PCDHGB1: variants seen among roughly 807,000 people sequenced by gnomAD.
PCDHGB1 encodes the protein protocadherin gamma subfamily B, 1, also known as protocadherin gamma-B1.
In PCDHGB1, 34 loss-of-function variants were observed where a neutral mutation model predicts 56.6. The ratio of observed to expected loss-of-function variants is 0.60; its 90% CI spans 0.46 to 0.80. The LOEUF is 0.80. PCDHGB1 is among the 30% of genes least tolerant of loss of function. The pLI is 0.00. For missense variants in PCDHGB1, 1,278 were observed against 1,204.6 expected (o/e 1.06, Z -0.90); for synonymous variants, 561 against 505.9 (o/e 1.11, Z -1.46).
At chr5:141,497,904 A>G (rs939422338) in intron 2 of PCDHGB1, among the ~76,000 whole-genome samples, 2 of 152,136 alleles carry the variant, frequency 1.3e-5, no homozygotes, top group African/African-American at 2.4e-5. Context: ...AGTAACTTCA[A>G]CTTCTCTCCT....
chr5:141,438,629 T>C (rs1162332421), intron 1 of PCDHGB1, among the ~76,000 whole-genome samples: 9 of 48,096 alleles, frequency 1.9e-4, no homozygotes, highest in Admixed American at 6.4e-4. Context: ...TATATATATA[T>C]ATATATACAC....
At chr5:141,400,015 G>T (rs747874428) in intron 1 of PCDHGB1, 6 of 1,612,768 alleles carry the variant, frequency 3.7e-6, no homozygotes, top group Non-Finnish European at 4.2e-6. Flanking sequence ...TGCCTTGGGC[G>T]ACAGGGACGC....
chr5:141,468,939 G>A (rs2099186103), intron 1 of PCDHGB1, among the ~76,000 whole-genome samples: 1 of 144,350 alleles, frequency 6.9e-6, no homozygotes, highest in Non-Finnish European at 1.5e-5. Context: ...ATGGGAGATG[G>A]GGTAAACCTG....
rs764742899 is a variant in PCDHGB1, at chr5:141,487,062, C to T, written c.2410-7745C>T. On this transcript the variant is annotated intron_variant, in intron 1 of 3. Transcript: ENST00000523390. This position sits in a 1 kb window ranked among gnomAD's most constrained non-coding sequence, Gnocchi z 5.0. Reference sequence around the variant, plus strand: ...TCTCGATATGCTGGGGAGGTGCGGACGGCTGTTCCTATCCCAGCTGACCTC... The same window carrying T: ...TCTCGATATGCTGGGGAGGTGCGGATGGCTGTTCCTATCCCAGCTGACCTC... 2.8e-5 allele frequency: 45 copies of T among 1,613,980 alleles called. No homozygotes were observed. Among genetic ancestry groups the T allele is most frequent in the East Asian group, 1.3e-4 (6 of 44,874 alleles).
intron 1 of PCDHGB1, chr5:141,361,166 C>G: frequency 6.2e-7 from 1 of 1,613,940 alleles, no homozygotes; most frequent in South Asian, 1.1e-5. Context: ...AACGATTGTG[C>G]ACCTGAAGTT....
intron 1 of PCDHGB1, chr5:141,360,626 C>G: frequency 6.2e-7 from 1 of 1,614,010 alleles, no homozygotes; most frequent in Non-Finnish European, 8.5e-7. Flanking sequence ...GATGTTGGTC[C>G]TAACTCACTA....
chr5:141,406,877 A>T (rs4912750), intron 1 of PCDHGB1, among the ~76,000 whole-genome samples: 9,155 of 152,322 alleles, frequency 0.06, 381 homozygotes, highest in Non-Finnish European at 0.089. Flanking sequence ...ACTGCTGGGA[A>T]GATTCTAAAA....
At position 141,356,801 on chromosome 5, in the gene PCDHGB1, C is replaced by G. The variant is rs369350823; in HGVS notation, c.2409+4132C>G. Reference sequence around the variant, plus strand: ...AGAGACCTGCAGCTGCTGATGACAGCCAGTGACAGTGGAGACCCTCCACTC... The same window carrying G: ...AGAGACCTGCAGCTGCTGATGACAGGCAGTGACAGTGGAGACCCTCCACTC... On this transcript the variant is annotated intron_variant, in intron 1 of 3. Coordinates refer to ENST00000523390, the MANE Select transcript of PCDHGB1 (RefSeq NM_018922.3). The G allele has an allele frequency of 5.1e-5, 82 of 1,613,922 alleles. No homozygotes were observed. The highest frequency in any genetic ancestry group is 4.6e-4 in the South Asian group (42 of 91,084).
chr5:141,506,280 C>CT (rs1455257972), intron 3 of PCDHGB1, among the ~76,000 whole-genome samples: 1 of 152,024 alleles, frequency 6.6e-6, no homozygotes, highest in Non-Finnish European at 1.5e-5. Flanking sequence ...GAAACCCTGT[C>CT]TCTACTAAAA....
Position 141,493,858 on chromosome 5 carries a change from C to A in PCDHGB1, c.2410-949C>A, listed in dbSNP as rs2099750481. Among the ~76,000 whole-genome samples, 1 of 152,184 alleles carries A rather than the reference C, an allele frequency of 6.6e-6. No homozygotes were observed. The highest frequency in any genetic ancestry group is 1.5e-5 in the Non-Finnish European group (1 of 68,030). On this transcript the variant is annotated intron_variant, in intron 1 of 3. Transcript: ENST00000523390. The surrounding 1 kb of genome is among the most constrained non-coding windows in gnomAD (Gnocchi z 4.3). ...AGTATGAGTATTAATTACCAGCCCA[C>A]CCCAGAACCAGTGAGGAGGTGGCTC...
At chr5:141,399,309 C>G (rs2093783867) in intron 1 of PCDHGB1, 1 of 1,613,902 alleles carries the variant, frequency 6.2e-7, no homozygotes, top group Non-Finnish European at 8.5e-7. Context: ...TCTCTTCATC[C>G]AAAAATTCGT....
Position 141,490,911 on chromosome 5 carries a change from G to C in PCDHGB1, c.2410-3896G>C. On this transcript the variant is annotated intron_variant, in intron 1 of 3. Coordinates refer to ENST00000523390, the MANE Select transcript of PCDHGB1 (RefSeq NM_018922.3). The surrounding 1 kb of genome is among the most constrained non-coding windows in gnomAD (Gnocchi z 5.4). ...CTCTGCATGTGTTTGTCCTAGACGA[G>C]AATGATAATGCCCCAGCTGTGCTGC... is the stretch of plus-strand genomic sequence containing the variant. The C allele has an allele frequency of 6.2e-7, 1 of 1,613,722 alleles. No homozygotes were observed. Among genetic ancestry groups the C allele is most frequent in the East Asian group, 2.2e-5 (1 of 44,870 alleles).
At chr5:141,510,353 C>T (rs74759939) in intron 3 of PCDHGB1, among the ~76,000 whole-genome samples, 2 of 146,504 alleles carry the variant, frequency 1.4e-5, no homozygotes, top group African/African-American at 5.0e-5. Context: ...CACTTACTAA[C>T]GGAACTACCG....
chr5:141,501,130 G>C (rs528942194), intron 2 of PCDHGB1, among the ~76,000 whole-genome samples: 1 of 152,218 alleles, frequency 6.6e-6, no homozygotes, highest in South Asian at 2.1e-4. Flanking sequence ...GCCTCCCTAA[G>C]TGCTGGGATT....
chr5:141,352,802 C>T (rs993327157), intron 1 of PCDHGB1, 133 bp downstream of exon 1: 8 of 903,664 alleles, frequency 8.9e-6, no homozygotes, highest in Middle Eastern at 2.9e-4. Flanking sequence ...CCAGCATAGC[C>T]AAGATGGTAA....
intron 2 of PCDHGB1, among the ~76,000 whole-genome samples, chr5:141,503,222 G>A (rs540244346): frequency 2.2e-4 from 34 of 152,120 alleles, no homozygotes; most frequent in African/African-American, 7.7e-4. Context: ...CATGAGCACC[G>A]TAAAGATGGA....
chr5:141,419,177 C>T (rs1223789288), intron 1 of PCDHGB1: 8 of 1,613,862 alleles, frequency 5.0e-6, no homozygotes, highest in Admixed American at 1.7e-5. Flanking sequence ...AACCATAACC[C>T]TGCACATTAC....
chr5:141,498,273 A>G (rs1595516143), intron 2 of PCDHGB1, among the ~76,000 whole-genome samples: 1 of 152,038 alleles, frequency 6.6e-6, no homozygotes, highest in East Asian at 1.9e-4. Flanking sequence ...TCTTCAGTAA[A>G]CTTGGTTCAA....
chr5:141,422,088 CA>C (rs1235447839), intron 1 of PCDHGB1: 2 of 1,611,912 alleles, frequency 1.2e-6, no homozygotes, highest in Non-Finnish European at 1.7e-6. Flanking sequence ...ACATGGAAAG[CA>C]AGGCTTCTGA....
Sources: gnomAD v4.1 joint callset for allele counts (sites outside exome capture counted in the v4.1 genomes callset) on GRCh38, gnomAD v4.1.1 for gene constraint, Gnocchi (gnomAD v3.1) non-coding constraint, MANE v1.5 for transcripts, NCBI Gene and HGNC (gene_info 2026-07-23, HGNC 2026-07-21) for gene names.